Variants in KIAA1328 observed in about 807,000 individuals in gnomAD.
KIAA1328 encodes the protein KIAA1328, also known as protein hinderin.
KIAA1328 carries 52 observed loss-of-function variants against 68.1 expected under a neutral mutation model. That is an observed-to-expected ratio of 0.76 (90% CI 0.61 to 0.96). The LOEUF is 0.96. Ranked by LOEUF, KIAA1328 falls within the 40% of genes least tolerant of loss-of-function variation. The probability of loss-of-function intolerance (pLI) is 0.00; values close to 1 mark genes in which losing one functional copy is unlikely to be tolerated. For synonymous variants in KIAA1328, 232 were observed against 239.4 expected, an observed-to-expected ratio of 0.97 and a Z score of 0.28; for missense variants, 641 against 677.6, an observed-to-expected ratio of 0.95 and a Z score of 0.60.
intron 3 of KIAA1328, among the ~76,000 whole-genome samples, 187 bp from the exon 4 acceptor site, chr18:36,844,021 G>A (rs1378734802): frequency 6.6e-6 from 1 of 152,028 alleles, no homozygotes; most frequent in Admixed American, 6.6e-5. Flanking sequence ...TAAATCTCAT[G>A]AAGTGTCCTA....
chr18:37,100,002 A>T (rs1322756831), intron 7 of KIAA1328, among the ~76,000 whole-genome samples: 11 of 152,148 alleles, frequency 7.2e-5, no homozygotes, highest in Non-Finnish European at 1.0e-4. Flanking sequence ...TGAATGCAGC[A>T]CACTGATGGG....
At chr18:37,020,793 A>G (rs2054318384) in intron 6 of KIAA1328, among the ~76,000 whole-genome samples, 1 of 152,214 alleles carries the variant, frequency 6.6e-6, no homozygotes, top group Non-Finnish European at 1.5e-5. Flanking sequence ...GTGTATGTCC[A>G]TGTTCCTGTT....
chr18:37,040,204 T>C (rs550630158), intron 6 of KIAA1328, among the ~76,000 whole-genome samples: 1 of 152,344 alleles, frequency 6.6e-6, no homozygotes, highest in East Asian at 1.9e-4. Context: ...AATGTAATTA[T>C]GGTTAGTAGC....
At chr18:37,080,646 G>C (rs1364939252) in intron 7 of KIAA1328, among the ~76,000 whole-genome samples, 1 of 151,818 alleles carries the variant, frequency 6.6e-6, no homozygotes, top group Non-Finnish European at 1.5e-5. Context: ...ATGGTGGCAG[G>C]CACCTGTAAT....
intron 5 of KIAA1328, among the ~76,000 whole-genome samples, chr18:36,952,581 AC>A (rs2051205746): frequency 1.3e-5 from 2 of 152,186 alleles, no homozygotes; most frequent in South Asian, 4.1e-4. Context: ...ATTACTAAGT[AC>A]CAGAGTTACG....
chr18:36,963,245 A>G (rs1006037093), intron 6 of KIAA1328, among the ~76,000 whole-genome samples: 4 of 152,288 alleles, frequency 2.6e-5, no homozygotes, highest in African/African-American at 4.8e-5. Flanking sequence ...GCTCTTGCCT[A>G]TTGCTTTTCA....
intron 1 of KIAA1328, 133 bp from the exon 2 acceptor site, chr18:36,834,183 TCTAA>T: frequency 8.3e-7 from 1 of 1,208,222 alleles, no homozygotes; most frequent in East Asian, 3.1e-5. Flanking sequence ...TACTTTGCTT[TCTAA>T]CTTTGTTTTT....
chr18:37,105,916 C>CAAAAAAAAAAAAAAAAAAAAAAAAAAAA (rs58940699), intron 7 of KIAA1328, among the ~76,000 whole-genome samples: 3 of 19,502 alleles, frequency 1.5e-4, no homozygotes, highest in African/African-American at 3.5e-4. Flanking sequence ...GACTCTGTGT[C>CAAAAAAAAAAAAAAAAAAAAAAAAAAAA]AAAAAAAAAA....
At chr18:36,879,267 A>G (rs919230830) in intron 4 of KIAA1328, among the ~76,000 whole-genome samples, 1 of 151,856 alleles carries the variant, frequency 6.6e-6, no homozygotes, top group Admixed American at 6.6e-5. Context: ...TTTCCTTCTA[A>G]TAGTCAGTCC....
chr18:36,963,814 C>A (rs886431694), intron 6 of KIAA1328, among the ~76,000 whole-genome samples: 2 of 152,150 alleles, frequency 1.3e-5, no homozygotes, highest in African/African-American at 4.8e-5. Context: ...ATCTCCCTTA[C>A]CAGCTTTTTT....
chr18:37,184,490 T>C (rs1303768566), intron 9 of KIAA1328, among the ~76,000 whole-genome samples: 1 of 152,218 alleles, frequency 6.6e-6, no homozygotes, highest in Admixed American at 6.5e-5. Context: ...TTCCTAAACC[T>C]CTGCTTTGGT....
intron 4 of KIAA1328, among the ~76,000 whole-genome samples, chr18:36,866,234 G>A (rs1186545357): frequency 6.6e-6 from 1 of 152,034 alleles, no homozygotes; most frequent in African/African-American, 2.4e-5. Flanking sequence ...ATCATGCTAG[G>A]CTGCTTCTCC....
At chr18:36,965,697 G>A (rs907470355) in intron 6 of KIAA1328, among the ~76,000 whole-genome samples, 1 of 150,478 alleles carries the variant, frequency 6.6e-6, no homozygotes, top group Non-Finnish European at 1.5e-5. Flanking sequence ...TAGTACTTAG[G>A]GACACACAGT....
At chr18:37,068,622 T>C (rs1310642799) in intron 7 of KIAA1328, among the ~76,000 whole-genome samples, 1 of 152,178 alleles carries the variant, frequency 6.6e-6, no homozygotes, top group Non-Finnish European at 1.5e-5. Flanking sequence ...CCTCCTATCT[T>C]CTTCAGTAAA....
chr18:36,830,506 G>C (rs1014601473), intron 1 of KIAA1328, among the ~76,000 whole-genome samples: 1 of 152,142 alleles, frequency 6.6e-6, no homozygotes, highest in Non-Finnish European at 1.5e-5. Flanking sequence ...ACATAATTTT[G>C]TGATGGAGGA....
In KIAA1328 at chr18:37,124,353, G is replaced by A. The variant is rs187075754; in HGVS notation, c.1233-35847G>A. 7.2e-5 allele frequency among the ~76,000 whole-genome samples: 11 copies of A among 151,842 alleles called. 1 individual carries two copies. In the East Asian group the frequency reaches 1.4e-3, roughly 19 times the overall value. On this transcript the variant is annotated intron_variant, in intron 7 of 9. Transcript: ENST00000280020. Reference sequence around the variant, plus strand: ...CTCACCTCTTACCATACAGTTTATAGTAAGTCCTGTTGACTCTATTTCCAA... The same window carrying A: ...CTCACCTCTTACCATACAGTTTATAATAAGTCCTGTTGACTCTATTTCCAA...
At chr18:37,213,598 G>A (rs1158514685) in intron 9 of KIAA1328, among the ~76,000 whole-genome samples, 1 of 152,112 alleles carries the variant, frequency 6.6e-6, no homozygotes, top group Non-Finnish European at 1.5e-5. Context: ...GAATAGTGCT[G>A]CAATAAACAT....
At chr18:37,027,875 A>C (rs956364106) in intron 6 of KIAA1328, among the ~76,000 whole-genome samples, 1 of 152,168 alleles carries the variant, frequency 6.6e-6, no homozygotes, top group Admixed American at 6.5e-5. Flanking sequence ...AATGGGATCT[A>C]ATTAAACTAA....
intron 5 of KIAA1328, among the ~76,000 whole-genome samples, chr18:36,935,944 G>A (rs2050483677): frequency 6.6e-6 from 1 of 152,164 alleles, no homozygotes; most frequent in Admixed American, 6.5e-5. Flanking sequence ...CTGTTATGAA[G>A]ATGCTGTGAT....
Sources: allele counts gnomAD v4.1 joint callset (sites outside exome capture counted in the v4.1 genomes callset), GRCh38; gene constraint gnomAD v4.1.1; transcripts MANE v1.5; gene names NCBI Gene and HGNC (gene_info 2026-07-23, HGNC 2026-07-21).